ADGRG1: variants seen among roughly 807,000 people sequenced by gnomAD.
ADGRG1 encodes adhesion G protein-coupled receptor G1, also known as 7-transmembrane protein with no EGF-like N-terminal domains-1.
In ADGRG1, 53 loss-of-function variants were observed where a neutral mutation model predicts 73.5. That is an observed-to-expected ratio of 0.72 (90% CI 0.58 to 0.91). ADGRG1 has a LOEUF of 0.91. Among genes scored for constraint, ADGRG1 ranks in the 40% least tolerant of loss-of-function variants. The probability of loss-of-function intolerance (pLI) is 0.00; values close to 1 mark genes in which losing one functional copy is unlikely to be tolerated. For missense variants in ADGRG1, 795 were observed against 871.8 expected (o/e 0.91, Z 1.11); for synonymous variants, 394 against 374.4 (o/e 1.05, Z -0.60).
chr16:57,661,236 G>A (rs919081882), intron 12 of ADGRG1: 50 of 970,736 alleles, frequency 5.2e-5, no homozygotes, highest in East Asian at 1.1e-4. Context: ...GAAGAGATCC[G>A]CTCTTGGCCA....
Position 57,630,058 on chromosome 16 carries a change from A to G in ADGRG1, c.-36+1256A>G, listed in dbSNP as rs568395916. On this transcript the variant is annotated intron_variant, in intron 1 of 13. Transcript: ENST00000562631. ...TCAGTGGACCAAGAAAGTTATTTAT[A>G]GAAGCATTTATTGAGCGCTTACTGT... is the stretch of plus-strand genomic sequence containing the variant. The G allele has an allele frequency of 4.1e-6, 4 of 969,458 alleles. No homozygotes were observed. The African/African-American group carries it at 5.3e-5, about 13-fold the overall frequency. The allele number at this position is 969,458 out of a possible 1,614,324, so 60.1% of individuals were successfully genotyped here. A position where few individuals can be genotyped will look rare whatever the true frequency, so the allele number is the denominator to read the frequency against.
At chr16:57,647,581 G>A (rs1392020698) in intron 1 of ADGRG1, 2 of 415,262 alleles carry the variant, frequency 4.8e-6, no homozygotes, top group Non-Finnish European at 6.5e-6. Flanking sequence ...GCGAGGCCCA[G>A]AGAAGGTGAG....
At chr16:57,646,943 G>A (rs1006492811) in intron 1 of ADGRG1, 1 of 985,320 alleles carries the variant, frequency 1.0e-6, no homozygotes, top group Admixed American at 6.1e-5. Context: ...TGGGGCCGTG[G>A]TTGGTACTGA....
chr16:57,651,400 C>T lies in ADGRG1; in HGVS notation c.265C>T (p.His89Tyr), dbSNP rs587783658. Residue 89 changes from histidine (H) to tyrosine (Y), a missense_variant, in exon 3 of 14, where the codon CAC (histidine) becomes TAC (tyrosine). His to Tyr is a moderately conservative substitution (Grantham distance 83). Transcript: ENST00000562631. ...RSFPDPRGLY[H>Y]FCLYWNRHAG... is the part of the protein sequence containing the mutation. ...CTTCCCTGACCCCAGGGGCCTCTAC[C>T]ACTTCTGCCTCTACTGGAACCGACA... is the stretch of plus-strand genomic sequence containing the variant. The T allele has an allele frequency of 6.2e-6, 10 of 1,614,196 alleles. No individual in the cohort carries two copies. The highest frequency in any genetic ancestry group is 8.5e-6 in the Non-Finnish European group (10 of 1,180,032).
intron 1 of ADGRG1, chr16:57,629,175 G>C: frequency 1.0e-6 from 1 of 985,082 alleles, no homozygotes. Context: ...AAATGGGGGG[G>C]TCTTGGTATC....
At chr16:57,656,190 T>G in intron 7 of ADGRG1, 36 bp from the exon 8 acceptor site, 3 of 1,613,252 alleles carry the variant, frequency 1.9e-6, no homozygotes, top group Non-Finnish European at 2.5e-6. Context: ...GGTGGGGGGC[T>G]GTCACAGAAA....
chr16:57,626,872 C>T, upstream of ADGRG1: 1 of 980,738 alleles, frequency 1.0e-6, no homozygotes, highest in Non-Finnish European at 1.2e-6. Context: ...ACCCATCCTC[C>T]CCTAGATAAC....
chr16:57,636,374 G>A lies in ADGRG1; in HGVS notation c.-36+7572G>A, dbSNP rs1401296673. 5.1e-6 allele frequency: 5 copies of A among 985,258 alleles called. No homozygotes were observed. The African/African-American group carries it at 8.7e-5, about 17-fold the overall frequency. The allele number at this position is 985,258 out of a possible 1,614,324, so 61.0% of individuals were successfully genotyped here. ...ATGCGCTCCCAGGCTTCCATGCTGT[G>A]GGACTTCTCAGAGCCTTTATCGGGA... On this transcript the variant is annotated intron_variant, in intron 1 of 13. Coordinates refer to ENST00000562631, the MANE Select transcript of ADGRG1 (RefSeq NM_201525.4).
At chr16:57,648,565 A>C in intron 1 of ADGRG1, 1 of 983,004 alleles carries the variant, frequency 1.0e-6, no homozygotes, top group Non-Finnish European at 1.2e-6. Context: ...CAGGAAGGAG[A>C]CATTGAGCTC....
Position 57,651,428 on chromosome 16 carries a change from C to G in ADGRG1, c.293C>G (p.Ala98Gly), listed in dbSNP as rs1191951157. 2 of 1,614,196 alleles carry G rather than the reference C, an allele frequency of 1.2e-6. No individual in the cohort carries two copies. Among genetic ancestry groups the G allele is most frequent in the South Asian group, 2.2e-5 (2 of 91,082 alleles). Residue 98 changes from alanine (A) to glycine (G), a missense_variant, in exon 3 of 14, where the codon GCT becomes GGT. Ala to Gly is a moderately conservative substitution (Grantham distance 60). Coordinates refer to ENST00000562631, the MANE Select transcript of ADGRG1 (RefSeq NM_201525.4). ...YHFCLYWNRH[A>G]GRLHLLYGKR... ...TTCTGCCTCTACTGGAACCGACATG[C>G]TGGGAGATTACATCTTCTCTATGGC...
At chr16:57,651,959 G>A (rs1157188630) in intron 3 of ADGRG1, 2 of 1,286,402 alleles carry the variant, frequency 1.6e-6, no homozygotes, top group Non-Finnish European at 2.0e-6. Flanking sequence ...AGCAGAGACT[G>A]GAAAGGGACT....
chr16:57,662,434 G>A (rs1412936415), intron 13 of ADGRG1, among the ~76,000 whole-genome samples: 3 of 152,072 alleles, frequency 2.0e-5, no homozygotes, highest in African/African-American at 7.2e-5. Flanking sequence ...CCTACTCCAG[G>A]CGCGGTCCAC....
chr16:57,650,177 T>A (rs1452436390), intron 1 of ADGRG1, 76 bp from the exon 2 acceptor site: 15 of 1,572,502 alleles, frequency 9.5e-6, no homozygotes, highest in East Asian at 2.3e-5. Context: ...CATGCCACAC[T>A]GGCCTCCTCT....
In ADGRG1 at chr16:57,656,591, C is replaced by T. The variant is rs777643880; in HGVS notation, c.1141C>T (p.His381Tyr). 3 of 1,612,352 alleles carry T rather than the reference C, an allele frequency of 1.9e-6. No individual in the cohort carries two copies. In the South Asian group the frequency reaches 3.3e-5, roughly 18 times the overall value. ...RETQTSCFCN[H>Y]LTYFAVLMVS... is the part of the protein sequence containing the mutation. ...AACCCAAACATCCTGCTTCTGCAAC[C>T]ACTTGACCTACTTTGCAGTGCTGAT... Residue 381 changes from histidine (H) to tyrosine (Y), a missense_variant, in exon 9 of 14, where the codon CAC (histidine) becomes TAC (tyrosine). Transcript: ENST00000562631.
Position 57,663,694 on chromosome 16 carries a change from A to G in ADGRG1, c.*112A>G, listed in dbSNP as rs1404608633. On this transcript the variant is annotated 3_prime_UTR_variant, in exon 14 of 14. Coordinates refer to ENST00000562631, the MANE Select transcript of ADGRG1 (RefSeq NM_201525.4). ...GGCCAGTCAGCCGCAGACTTTGGAAAGCCCAACGACCATGGAGAGATGGGC... is the reference window on the plus strand; with the variant it reads ...GGCCAGTCAGCCGCAGACTTTGGAAGGCCCAACGACCATGGAGAGATGGGC... 2 of 1,252,646 alleles carry G rather than the reference A, an allele frequency of 1.6e-6. No individual in the cohort carries two copies. Among genetic ancestry groups the G allele is most frequent in the African/African-American group, 3.0e-5 (2 of 67,730 alleles). The allele number at this position is 1,252,646 out of a possible 1,614,324, so 77.6% of individuals were successfully genotyped here.
At chr16:57,633,503 C>T (rs2147388111) in intron 1 of ADGRG1, 6 of 985,400 alleles carry the variant, frequency 6.1e-6, no homozygotes, top group African/African-American at 1.7e-5. Flanking sequence ...CATCCCTCAG[C>T]CAGGCTGCCC....
At chr16:57,660,505 C>A in intron 11 of ADGRG1, 1 of 746,772 alleles carries the variant, frequency 1.3e-6, no homozygotes, top group Non-Finnish European at 1.6e-6. Context: ...CAGAGACCCA[C>A]AGGCCTTTCT....
At chr16:57,655,740 G>A (rs1452378582) in intron 6 of ADGRG1, 136 bp from the exon 7 acceptor site, 9 of 1,605,666 alleles carry the variant, frequency 5.6e-6, no homozygotes, top group East Asian at 4.5e-5. Flanking sequence ...GGGCAAAAGT[G>A]GTTCCAGAGG....
At chr16:57,639,633 T>A (rs946139508) in intron 1 of ADGRG1, 1 of 985,564 alleles carries the variant, frequency 1.0e-6, no homozygotes, top group African/African-American at 1.7e-5. Context: ...ACGTTCTTAA[T>A]GTATCTATAG....
Sources: gnomAD v4.1 joint callset for allele counts (sites outside exome capture counted in the v4.1 genomes callset) on GRCh38, gnomAD v4.1.1 for gene constraint, MANE v1.5 for transcripts, NCBI Gene and HGNC (gene_info 2026-07-23, HGNC 2026-07-21) for gene names.